CCNH: variants seen among roughly 807,000 people sequenced by gnomAD.
CCNH encodes the protein cyclin H.
In CCNH, 31 loss-of-function variants were observed where a neutral mutation model predicts 41.9. The ratio of observed to expected loss-of-function variants is 0.74; its 90% confidence interval spans 0.56 to 1.00. CCNH has a LOEUF of 1.00. Ranked by LOEUF, CCNH falls within the 50% of genes least tolerant of loss-of-function variation. The probability of loss-of-function intolerance (pLI) is 0.00; values close to 1 mark genes in which losing one functional copy is unlikely to be tolerated. For missense variants in CCNH, 362 were observed against 388.4 expected, an observed-to-expected ratio of 0.93 and a Z score of 0.57; for synonymous variants, 138 against 136.1, an observed-to-expected ratio of 1.01 and a Z score of -0.10.
upstream of CCNH, among the ~76,000 whole-genome samples, chr5:87,381,356 C>T (rs1170397077): frequency 6.6e-6 from 1 of 152,176 alleles, no homozygotes; most frequent in African/African-American, 2.4e-5. Flanking sequence ...GTTAAGCATA[C>T]TCCAACTAAT....
At chr5:87,392,607 T>C (rs1236970584), downstream of CCNH, 3 of 260,084 alleles carry the variant, frequency 1.2e-5, no homozygotes, top group African/African-American at 2.3e-5. Flanking sequence ...GCTGTGCACT[T>C]TGGCTCCCAT....
downstream of CCNH, chr5:87,374,362 C>G: frequency 6.4e-7 from 1 of 1,553,326 alleles, no homozygotes; most frequent in Non-Finnish European, 8.8e-7. Context: ...TTTCTTTTAC[C>G]ATATTGCATT....
chr5:87,371,502 A>T (rs1273498667), downstream of CCNH, among the ~76,000 whole-genome samples: 1 of 152,174 alleles, frequency 6.6e-6, no homozygotes, highest in East Asian at 1.9e-4. Flanking sequence ...CCAAAGCACT[A>T]GATAAACATT....
downstream of CCNH, among the ~76,000 whole-genome samples, chr5:87,387,317 C>G (rs1580412382): frequency 6.6e-6 from 1 of 152,056 alleles, no homozygotes; most frequent in Admixed American, 6.6e-5. Context: ...GAAAAGTCTT[C>G]TTTTCTAGGA....
intron 9 of CCNH, among the ~76,000 whole-genome samples, chr5:87,370,834 T>C (rs1043834570): frequency 1.3e-5 from 2 of 152,146 alleles, no homozygotes; most frequent in Non-Finnish European, 2.9e-5. Context: ...ATGAGGAAGA[T>C]GCTCTTAAAA....
intron 9 of CCNH, chr5:87,370,004 G>A: frequency 7.3e-6 from 7 of 957,056 alleles, no homozygotes; most frequent in Middle Eastern, 2.1e-4. Context: ...GTGACAGAAC[G>A]CCTGAAATCT....
Position 87,409,310 on chromosome 5 carries a change from T to G in CCNH, c.294A>C (p.Glu98Asp), listed in dbSNP as rs146868495. ...CTCACATTATTATCCTGGGGTGATA[T>G]TCCATTACTGAGTTATTAAGATAAA... ...KRFYLNNSVM[E>D]YHPRIIMLTC... The change falls in exon 3 of 9, where the codon GAA becomes GAC. Residue 98 changes from glutamate (E) to aspartate (D), a missense_variant. Physicochemically the swap from Glu to Asp is conservative, Grantham distance 45 (BLOSUM62 2). Coordinates refer to ENST00000256897, the MANE Select transcript of CCNH (RefSeq NM_001239.4). 3.8e-6 allele frequency: 6 copies of G among 1,572,008 alleles called. No homozygotes were observed. In the East Asian group the frequency reaches 6.7e-5, roughly 18 times the overall value.
chr5:87,346,630 A>C, intron 9 of CCNH: 3 of 1,328,292 alleles, frequency 2.3e-6, no homozygotes, highest in Non-Finnish European at 3.2e-6. Context: ...GATAACAGCA[A>C]AAAGGACTTT....
intron 9 of CCNH, chr5:87,337,848 G>C (rs780720296): frequency 7.1e-5 from 71 of 1,001,000 alleles, no homozygotes; most frequent in Admixed American, 1.3e-4. Context: ...AATTTAGGGT[G>C]TTTGACTCTA....
chr5:87,374,824 C>A, downstream of CCNH: 2 of 1,606,400 alleles, frequency 1.2e-6, no homozygotes, highest in South Asian at 1.1e-5. Flanking sequence ...AATTCTTTTT[C>A]TCCTTGCTCC....
In CCNH at chr5:87,358,066, A is replaced by G. The variant is rs189414733; in HGVS notation, c.*90+34704T>C. ...TAACTATTAGTACAAAAGCAATACT[A>G]TCTTTTTACTAATCGCCAAATTGAT... On this transcript the variant is annotated intron_variant and NMD_transcript_variant, in intron 9 of 9. Transcript: ENST00000645953. 3.9e-5 allele frequency among the ~76,000 whole-genome samples: 6 copies of G among 152,288 alleles called. No individual in the cohort carries two copies. The South Asian group carries it at 8.3e-4, about 21-fold the overall frequency.
chr5:87,320,078 G>A (rs545623096), intron 9 of CCNH, among the ~76,000 whole-genome samples: 1 of 152,254 alleles, frequency 6.6e-6, no homozygotes, highest in Admixed American at 6.5e-5. Context: ...GCCAGTCTCT[G>A]CTAAATCATA....
chr5:87,387,253 T>C (rs573305317), downstream of CCNH, among the ~76,000 whole-genome samples: 2 of 152,188 alleles, frequency 1.3e-5, no homozygotes, highest in South Asian at 4.1e-4. Context: ...TGCTACTATG[T>C]GGGGCGTGAA....
At chr5:87,411,835 T>C (rs1038527015) in intron 1 of CCNH, among the ~76,000 whole-genome samples, 2 of 152,196 alleles carry the variant, frequency 1.3e-5, no homozygotes, top group African/African-American at 4.8e-5. Flanking sequence ...ATTCAGGTGC[T>C]AAAATCAGTG....
upstream of CCNH, among the ~76,000 whole-genome samples, chr5:87,378,169 T>TA (rs1761451175): frequency 1.3e-5 from 2 of 152,224 alleles, no homozygotes; most frequent in African/African-American, 4.8e-5. Context: ...ATGGCAGTGT[T>TA]AATCCCTTCT....
chr5:87,404,120 A>G (rs567056303), intron 5 of CCNH, among the ~76,000 whole-genome samples: 7 of 152,322 alleles, frequency 4.6e-5, no homozygotes, highest in African/African-American at 1.7e-4. Flanking sequence ...ATAAGTATTC[A>G]TGTCTTAGAA....
At chr5:87,366,668 G>A (rs974907198) in intron 9 of CCNH, among the ~76,000 whole-genome samples, 4 of 152,168 alleles carry the variant, frequency 2.6e-5, no homozygotes, top group Non-Finnish European at 5.9e-5. Flanking sequence ...AATGATACCA[G>A]GTCTGAAACC....
chr5:87,373,653 A>T (rs1161843091), downstream of CCNH, among the ~76,000 whole-genome samples: 1 of 152,184 alleles, frequency 6.6e-6, no homozygotes, highest in Non-Finnish European at 1.5e-5. Context: ...ATCCAAACTA[A>T]CAAATAACTT....
intron 6 of CCNH, among the ~76,000 whole-genome samples, chr5:87,401,255 T>C (rs1040873671): frequency 1.3e-5 from 2 of 152,240 alleles, no homozygotes; most frequent in East Asian, 1.9e-4. Context: ...GCAAGCATCT[T>C]TAATTCTTTC....
Sources: gnomAD v4.1 joint callset for allele counts (sites outside exome capture counted in the v4.1 genomes callset) on GRCh38, gnomAD v4.1.1 for gene constraint, MANE v1.5 for transcripts, NCBI Gene and HGNC (gene_info 2026-07-23, HGNC 2026-07-21) for gene names.